The following GPR158 variants were observed in gnomAD, a reference collection of about 807,000 sequenced individuals.
The protein encoded by GPR158 is G protein-coupled receptor 158.
Under a neutral mutation model 78.2 loss-of-function variants are expected in GPR158, and 30 were observed. The observed-to-expected ratio is 0.38, with a 90% CI of 0.29 to 0.52. GPR158 has a LOEUF of 0.52. GPR158 is among the 20% of genes least tolerant of loss of function. The pLI is 0.83. For synonymous variants in GPR158, 581 were observed against 591.1 expected (o/e 0.98, Z 0.25); for missense variants, 1,463 against 1,523.5 (o/e 0.96, Z 0.66).
rs1837030492 is a variant in GPR158 at position 25,572,891 on chromosome 10, T to C, written c.1753+4T>C. 1 of 1,488,772 alleles carries C rather than the reference T, an allele frequency of 6.7e-7. No individual in the cohort carries two copies. The highest frequency in any genetic ancestry group is 2.3e-5 in the East Asian group (1 of 44,302). 92.2% of individuals were successfully genotyped at this position (1,488,772 alleles called of 1,614,324 possible). ...TGGGACTACATGACAGCAGTTGGTATGTGGTCACTTGTTTCGTATGATGGT... is the reference window on the plus strand; with the variant it reads ...TGGGACTACATGACAGCAGTTGGTACGTGGTCACTTGTTTCGTATGATGGT... On this transcript the variant is annotated splice_donor_region_variant and intron_variant, in intron 7 of 10. Transcript: ENST00000376351.
intron 1 of GPR158, among the ~76,000 whole-genome samples, chr10:25,182,464 T>C (rs1588722150): frequency 6.6e-6 from 1 of 152,220 alleles, no homozygotes; most frequent in Non-Finnish European, 1.5e-5. Context: ...TGTTGTGGTG[T>C]AGCAATGGTA....
intron 5 of GPR158, among the ~76,000 whole-genome samples, chr10:25,515,490 G>T: frequency 2.1e-5 from 3 of 141,562 alleles, no homozygotes; most frequent in African/African-American, 7.9e-5. Flanking sequence ...TCTAGCATTA[G>T]GTATATCTCC....
intron 2 of GPR158, among the ~76,000 whole-genome samples, chr10:25,248,706 T>C (rs1468978090): frequency 1.3e-5 from 2 of 151,086 alleles, no homozygotes; most frequent in African/African-American, 2.4e-5. Context: ...CATGCTGTTT[T>C]GGTTACTGTA....
intron 2 of GPR158, among the ~76,000 whole-genome samples, chr10:25,237,896 C>T (rs192027832): frequency 3.3e-5 from 5 of 152,026 alleles, no homozygotes; most frequent in African/African-American, 9.6e-5. Flanking sequence ...TTCTTCCTGT[C>T]CTCTCTATCC....
At chr10:25,198,575 G>T (rs937547318) in intron 1 of GPR158, among the ~76,000 whole-genome samples, 2 of 152,148 alleles carry the variant, frequency 1.3e-5, no homozygotes, top group Non-Finnish European at 2.9e-5. Context: ...TATTATTAAT[G>T]ATGCTAGAGA....
chr10:25,329,718 T>C (rs1469600960), intron 2 of GPR158, among the ~76,000 whole-genome samples: 1 of 151,872 alleles, frequency 6.6e-6, no homozygotes, highest in African/African-American at 2.4e-5. Context: ...TAATTTAACC[T>C]ACAGTAATTA....
At chr10:25,275,937 C>T (rs1352927340) in intron 2 of GPR158, among the ~76,000 whole-genome samples, 1 of 152,100 alleles carries the variant, frequency 6.6e-6, no homozygotes, top group Non-Finnish European at 1.5e-5. Context: ...TTGTATATTG[C>T]ACTTATTTAT....
intron 2 of GPR158, among the ~76,000 whole-genome samples, chr10:25,315,709 A>G (rs1334798681): frequency 7.0e-6 from 1 of 142,822 alleles, no homozygotes; most frequent in Non-Finnish European, 1.5e-5. Context: ...TTTAATTTTT[A>G]AAGTTTCCTT....
intron 5 of GPR158, among the ~76,000 whole-genome samples, chr10:25,496,065 G>A (rs1267789180): frequency 6.6e-6 from 1 of 151,974 alleles, no homozygotes; most frequent in African/African-American, 2.4e-5. Flanking sequence ...CTGGGGTTAG[G>A]GGGCAAAAAT....
intron 1 of GPR158, among the ~76,000 whole-genome samples, chr10:25,191,315 G>A (rs1238415234): frequency 6.6e-6 from 1 of 152,210 alleles, no homozygotes; most frequent in Non-Finnish European, 1.5e-5. Flanking sequence ...AGCTATGGCT[G>A]CAGCGAACTT....
intron 5 of GPR158, among the ~76,000 whole-genome samples, chr10:25,467,443 C>T (rs2130618750): frequency 6.6e-6 from 1 of 152,242 alleles, no homozygotes; most frequent in Non-Finnish European, 1.5e-5. Context: ...TTTGCCCCCA[C>T]AAAGGACGAC....
chr10:25,489,719 T>G (rs1215193099), intron 5 of GPR158, among the ~76,000 whole-genome samples: 1 of 152,104 alleles, frequency 6.6e-6, no homozygotes, highest in African/African-American at 2.4e-5. Flanking sequence ...GTGTTCCCAC[T>G]GCAAATCTGT....
intron 4 of GPR158, among the ~76,000 whole-genome samples, chr10:25,438,839 T>C (rs781515572): frequency 1.3e-5 from 2 of 152,184 alleles, no homozygotes; most frequent in African/African-American, 2.4e-5. Context: ...TTTCCTAATA[T>C]AGCAGAGATT....
Position 25,200,366 on chromosome 10 carries a change from GT to G in GPR158, c.903-20680del, listed in dbSNP as rs201138841. 7.5e-3 allele frequency among the ~76,000 whole-genome samples: 1,139 copies of G among 152,098 alleles called. 24 individuals carry two copies. The highest frequency in any genetic ancestry group is 0.026 in the African/African-American group (1,079 of 41,520). On this transcript the variant is annotated intron_variant, in intron 1 of 10. Transcript: ENST00000376351. ...TGGCCACTTTTTAATAAGGTTGTCTGTTTTTTGCTTGTAAATGTGCTTAAGT... is the reference window on the plus strand; with the variant it reads ...TGGCCACTTTTTAATAAGGTTGTCTGTTTTTGCTTGTAAATGTGCTTAAGT...
chr10:25,222,644 A>G (rs1209216750), intron 2 of GPR158, among the ~76,000 whole-genome samples: 1 of 152,162 alleles, frequency 6.6e-6, no homozygotes, highest in African/African-American at 2.4e-5. Context: ...GGCTTGGTGA[A>G]TATCTTTAGC....
intron 5 of GPR158, among the ~76,000 whole-genome samples, chr10:25,467,645 G>C (rs181644675): frequency 1.3e-5 from 2 of 152,208 alleles, no homozygotes; most frequent in African/African-American, 4.8e-5. Context: ...CCTTAGATAG[G>C]AATTTGGGCA....
Position 25,180,952 on chromosome 10 carries a change from A to G in GPR158, c.902+4630A>G, listed in dbSNP as rs543605568. Among the ~76,000 whole-genome samples, 21 of 152,302 alleles carry G rather than the reference A, an allele frequency of 1.4e-4. 1 individual carries two copies. Among genetic ancestry groups the G allele is most frequent in the Non-Finnish European group, 2.6e-4 (18 of 68,030 alleles). ...AATCTCTTTTTAGAAACTAATGAAC[A>G]TTAGTGTCACTGATTCACTGACTGC... On this transcript the variant is annotated intron_variant, in intron 1 of 10. Coordinates refer to ENST00000376351, the MANE Select transcript of GPR158 (RefSeq NM_020752.3).
intron 5 of GPR158, among the ~76,000 whole-genome samples, chr10:25,532,643 T>A (rs1357487516): frequency 6.6e-6 from 1 of 151,512 alleles, no homozygotes; most frequent in East Asian, 1.9e-4. Flanking sequence ...CACCCTCCAT[T>A]CCCCATTTTA....
intron 2 of GPR158, among the ~76,000 whole-genome samples, chr10:25,249,991 C>T (rs1283155177): frequency 6.9e-6 from 1 of 145,108 alleles, no homozygotes; most frequent in East Asian, 2.0e-4. Flanking sequence ...AATTTCAGCT[C>T]CTGTTATTGG....
Sources: allele counts gnomAD v4.1 joint callset (sites outside exome capture counted in the v4.1 genomes callset), GRCh38; gene constraint gnomAD v4.1.1; transcripts MANE v1.5; gene names NCBI Gene and HGNC (gene_info 2026-07-23, HGNC 2026-07-21).